ADGRL3: variants seen among roughly 807,000 people sequenced by gnomAD.
The protein encoded by ADGRL3 is adhesion G protein-coupled receptor L3.
ADGRL3 carries 62 observed loss-of-function variants against 153.5 expected under a neutral mutation model. The ratio of observed to expected loss-of-function variants is 0.40; its 90% CI spans 0.33 to 0.50. The LOEUF (loss-of-function observed/expected upper bound fraction) is 0.50. Among genes scored for constraint, ADGRL3 ranks in the 20% least tolerant of loss-of-function variants. The probability of loss-of-function intolerance (pLI) is 0.47; values close to 1 mark genes in which losing one functional copy is unlikely to be tolerated. For missense variants in ADGRL3, 1,641 were observed against 1,859.4 expected (o/e 0.88, Z 2.16); for synonymous variants, 710 against 672.5 (o/e 1.06, Z -0.86).
chr4:61,701,158 G>A (rs560310990), intron 6 of ADGRL3, among the ~76,000 whole-genome samples: 1 of 152,254 alleles, frequency 6.6e-6, no homozygotes, highest in South Asian at 2.1e-4. Context: ...TAGAGGACTG[G>A]AGAAGGAAGA....
intron 1 of ADGRL3, among the ~76,000 whole-genome samples, chr4:61,278,669 A>T (rs533815382): frequency 1.3e-5 from 2 of 151,934 alleles, no homozygotes; most frequent in East Asian, 3.9e-4. Context: ...ATGCCCACTA[A>T]TTTTTTTGTA....
chr4:61,869,976 AAGAGAGAGAGAGAGGG>A (rs1200299510), intron 9 of ADGRL3, among the ~76,000 whole-genome samples: 1 of 99,592 alleles, frequency 1.0e-5, no homozygotes, highest in East Asian at 2.8e-4. Context: ...GAGAGAGAGA[AAGAGAGAGAGAGAGGG>A]AGAGAGAGAG....
At chr4:61,696,444 C>T (rs2095643817) in intron 6 of ADGRL3, among the ~76,000 whole-genome samples, 1 of 152,018 alleles carries the variant, frequency 6.6e-6, no homozygotes, top group Admixed American at 6.6e-5. Context: ...TATTTCTTTT[C>T]TTTACCAATA....
intron 4 of ADGRL3, among the ~76,000 whole-genome samples, chr4:61,553,531 C>G (rs1428475983): frequency 6.6e-6 from 1 of 152,120 alleles, no homozygotes; most frequent in Non-Finnish European, 1.5e-5. Flanking sequence ...ATAGATTCAG[C>G]CTCCAAGTTA....
chr4:61,797,465 C>T (rs935827411), intron 8 of ADGRL3, among the ~76,000 whole-genome samples: 1 of 152,070 alleles, frequency 6.6e-6, no homozygotes, highest in African/African-American at 2.4e-5. Flanking sequence ...GACTTGGTTT[C>T]CTCTCCGATA....
intron 4 of ADGRL3, among the ~76,000 whole-genome samples, chr4:61,583,262 C>G (rs934880496): frequency 6.6e-6 from 1 of 152,000 alleles, no homozygotes; most frequent in Non-Finnish European, 1.5e-5. Context: ...GACTCTTGAT[C>G]GGTCACCTAC....
At chr4:61,833,976 T>C (rs1253793955) in intron 9 of ADGRL3, among the ~76,000 whole-genome samples, 2 of 151,326 alleles carry the variant, frequency 1.3e-5, no homozygotes, top group African/African-American at 4.9e-5. Context: ...TTTTTTTTTT[T>C]TATTGTACTT....
chr4:61,972,009 T>TG (rs2099029864), intron 17 of ADGRL3, among the ~76,000 whole-genome samples: 1 of 152,010 alleles, frequency 6.6e-6, no homozygotes, highest in Admixed American at 6.6e-5. Context: ...GGGTTGTTTG[T>TG]TTTTTTCTTG....
intron 2 of ADGRL3, among the ~76,000 whole-genome samples, chr4:61,440,744 T>C (rs2097520253): frequency 6.6e-6 from 1 of 152,204 alleles, no homozygotes. Flanking sequence ...TGTATTGTAC[T>C]ATCTTATCCC....
At chr4:61,417,286 A>C (rs1219804507) in intron 2 of ADGRL3, among the ~76,000 whole-genome samples, 1 of 152,056 alleles carries the variant, frequency 6.6e-6, no homozygotes, top group Non-Finnish European at 1.5e-5. Flanking sequence ...CCAGGAGTTC[A>C]AGACCAGCCT....
At chr4:61,904,694 G>A (rs1433598526) in intron 11 of ADGRL3, among the ~76,000 whole-genome samples, 1 of 151,550 alleles carries the variant, frequency 6.6e-6, no homozygotes, top group Non-Finnish European at 1.5e-5. Context: ...AAAAAGAAAT[G>A]GAATTACAAT....
chr4:61,737,412 CT>C (rs1472341027), intron 8 of ADGRL3, among the ~76,000 whole-genome samples: 1 of 152,128 alleles, frequency 6.6e-6, no homozygotes, highest in African/African-American at 2.4e-5. Context: ...TAAAGATCCT[CT>C]GGTGACACTT....
intron 1 of ADGRL3, among the ~76,000 whole-genome samples, chr4:61,210,658 G>T (rs1002247494): frequency 1.6e-4 from 25 of 152,104 alleles, no homozygotes; most frequent in Non-Finnish European, 3.4e-4. Flanking sequence ...GGCAAGAATG[G>T]AAGGGTTCAA....
At chr4:61,745,005 C>T (rs1314623487) in intron 8 of ADGRL3, among the ~76,000 whole-genome samples, 1 of 152,118 alleles carries the variant, frequency 6.6e-6, no homozygotes, top group East Asian at 1.9e-4. Flanking sequence ...ATAACCAACA[C>T]AGAGAAGTGC....
chr4:61,831,882 A>G (rs992996059), intron 9 of ADGRL3, among the ~76,000 whole-genome samples: 1 of 151,954 alleles, frequency 6.6e-6, no homozygotes, highest in Non-Finnish European at 1.5e-5. Context: ...AACCAGAATG[A>G]AGGGGTAGCT....
At chr4:61,790,126 A>G (rs1474132226) in intron 8 of ADGRL3, among the ~76,000 whole-genome samples, 1 of 152,196 alleles carries the variant, frequency 6.6e-6, no homozygotes, top group Non-Finnish European at 1.5e-5. Context: ...TTCCTTGGTC[A>G]CTACAGATTA....
chr4:61,215,541 A>ATTTTTT (rs59691960), intron 1 of ADGRL3, among the ~76,000 whole-genome samples: 2 of 73,664 alleles, frequency 2.7e-5, no homozygotes, highest in African/African-American at 1.0e-4. Flanking sequence ...CTATTATGGA[A>ATTTTTT]TTTTTTTTTT....
At chr4:61,834,630 C>T (rs774064128) in intron 9 of ADGRL3, among the ~76,000 whole-genome samples, 2 of 152,096 alleles carry the variant, frequency 1.3e-5, no homozygotes, top group African/African-American at 2.4e-5. Flanking sequence ...TTGGCTTCTT[C>T]CTGCTGACAG....
intron 1 of ADGRL3, among the ~76,000 whole-genome samples, chr4:61,380,675 G>A (rs1207745852): frequency 2.6e-5 from 4 of 151,758 alleles, no homozygotes; most frequent in African/African-American, 7.3e-5. Context: ...TTTTTATGTC[G>A]CTTTCGAACG....
Sources: allele counts gnomAD v4.1 joint callset (sites outside exome capture counted in the v4.1 genomes callset), GRCh38; gene constraint gnomAD v4.1.1; transcripts MANE v1.5; gene names NCBI Gene and HGNC (gene_info 2026-07-23, HGNC 2026-07-21).